The following EFHB variants were observed in gnomAD, a reference collection of about 807,000 sequenced individuals.
The protein encoded by EFHB is EF-hand domain-containing family member B.
In EFHB, 91 loss-of-function variants were observed where a neutral mutation model predicts 87.2. The ratio of observed to expected loss-of-function variants is 1.04; its 90% CI spans 0.88 to 1.24. The LOEUF (loss-of-function observed/expected upper bound fraction) is 1.24, where lower values mean the gene tolerates loss of function less well. EFHB is among the 50% of genes most tolerant of loss of function. The pLI, the probability that EFHB is intolerant of heterozygous loss-of-function variation, is 0.00. For synonymous variants in EFHB, 325 were observed against 333.6 expected, an observed-to-expected ratio of 0.97 and a Z score of 0.28; for missense variants, 1,084 against 998.8, an observed-to-expected ratio of 1.09 and a Z score of -1.15.
At chr3:19,944,826 A>G (rs1462963285) in intron 1 of EFHB, among the ~76,000 whole-genome samples, 1 of 152,230 alleles carries the variant, frequency 6.6e-6, no homozygotes, top group Non-Finnish European at 1.5e-5. Flanking sequence ...AAGTTCACCA[A>G]TACTTTGGGG....
chr3:19,941,783 GGA>G (rs1419198553), intron 1 of EFHB, among the ~76,000 whole-genome samples: 1 of 151,734 alleles, frequency 6.6e-6, no homozygotes, highest in Non-Finnish European at 1.5e-5. Context: ...CTTGAACCCG[GGA>G]GGCAGAGGTT....
intron 1 of EFHB, among the ~76,000 whole-genome samples, chr3:19,944,832 T>TG (rs1167722826): frequency 6.6e-6 from 1 of 152,196 alleles, no homozygotes; most frequent in African/African-American, 2.4e-5. Context: ...ACCAATACTT[T>TG]GGGGGTCCCT....
chr3:19,888,568 G>T lies in EFHB; in HGVS notation c.1809C>A (p.Asp603Glu). ...ANLSLDDKLL[D>E]QLFDYCDVDN... ...CCACATCACAGTAGTCAAATAGCTG[G>T]TCCAGGAGCTTGTCATCTAAACTCA... Residue 603 changes from aspartate (D) to glutamate (E), a missense_variant, in exon 10 of 13, where the codon GAC becomes GAA. By Grantham distance (45) the Asp-to-Glu change is conservative. Coordinates refer to ENST00000295824, the MANE Select transcript of EFHB (RefSeq NM_144715.4). 1 of 1,601,282 alleles carries T rather than the reference G, an allele frequency of 6.2e-7. No individual in the cohort carries two copies. Among genetic ancestry groups the T allele is most frequent in the Admixed American group, 1.7e-5 (1 of 58,276 alleles).
chr3:19,893,331 T>C (rs76378791), intron 9 of EFHB, among the ~76,000 whole-genome samples: 3,146 of 152,264 alleles, frequency 0.021, 102 homozygotes, highest in African/African-American at 0.072. Context: ...AGAGATCTGT[T>C]TTATTCTCTT....
chr3:19,882,164 G>A lies in EFHB; in HGVS notation c.2328+386C>T, dbSNP rs371035542. Among the ~76,000 whole-genome samples, 42 of 152,144 alleles carry A rather than the reference G, an allele frequency of 2.8e-4. No individual in the cohort carries two copies. The East Asian group carries it at 8.1e-3, about 29-fold the overall frequency. On this transcript the variant is annotated intron_variant, in intron 12 of 12. Transcript: ENST00000295824. ...ATAATCTGAGACATATGATACCAGT[G>A]GACAAGAAGGGTAGCAAAGTGACCA...
intron 1 of EFHB, among the ~76,000 whole-genome samples, chr3:19,927,116 C>T (rs1695658864): frequency 6.6e-6 from 1 of 152,194 alleles, no homozygotes; most frequent in African/African-American, 2.4e-5. Context: ...CTTCCTTCTT[C>T]GTCTTTCTAT....
rs766737990 is a variant in EFHB at position 19,933,570 on chromosome 3, C to A, written c.449G>T (p.Gly150Val). 3.7e-6 allele frequency: 6 copies of A among 1,613,898 alleles called. No homozygotes were observed. The African/African-American group carries it at 5.3e-5, about 14-fold the overall frequency. ...CACTAATTCCTCTACCCCTTCAGGG[C>A]CACTAGCCAAAGGAGCTCTCCTGCT... ...AGSRRAPLAS[G>V]PEGVEELVGK... The change falls in exon 1 of 13, where the codon GGC (glycine) becomes GTC (valine). Residue 150 changes from glycine to valine, a missense_variant. Transcript: ENST00000295824.
At chr3:19,937,283 ATT>A (rs772950424), upstream of EFHB, among the ~76,000 whole-genome samples, 5 of 152,080 alleles carry the variant, frequency 3.3e-5, no homozygotes, top group Non-Finnish European at 7.4e-5. Context: ...AAGACATTGC[ATT>A]TTCCATTTGC....
intron 6 of EFHB, among the ~76,000 whole-genome samples, chr3:19,901,501 A>T (rs1392668809): frequency 6.6e-6 from 1 of 152,172 alleles, no homozygotes; most frequent in Non-Finnish European, 1.5e-5. Context: ...GAAGAGTGAC[A>T]CTCTGTGGAG....
At chr3:19,921,689 T>C (rs1695442423) in intron 1 of EFHB, among the ~76,000 whole-genome samples, 1 of 152,068 alleles carries the variant, frequency 6.6e-6, no homozygotes, top group African/African-American at 2.4e-5. Flanking sequence ...AGAAGAACTT[T>C]GTGTAAAAAA....
chr3:19,920,576 GA>G lies in EFHB; in HGVS notation c.790-10del, dbSNP rs762187146. 1.6e-5 allele frequency: 25 copies of G among 1,584,190 alleles called. No individual in the cohort carries two copies. The highest frequency in any genetic ancestry group is 9.3e-5 in the East Asian group (4 of 43,018). On this transcript the variant is annotated splice_polypyrimidine_tract_variant and intron_variant, in intron 1 of 12. Coordinates refer to ENST00000295824, the MANE Select transcript of EFHB (RefSeq NM_144715.4). ...GGAATAACTTTTCCTGCCTTTGGGG[GA>G]AAAAAATGGGTTGATCATTGCCAGG...
At chr3:19,890,724 G>A (rs1247288402) in intron 9 of EFHB, among the ~76,000 whole-genome samples, 1 of 152,128 alleles carries the variant, frequency 6.6e-6, no homozygotes, top group African/African-American at 2.4e-5. Context: ...GCCAATTAGA[G>A]CCTCTGGAAA....
chr3:19,940,944 A>G (rs1696143774), intron 1 of EFHB: 2 of 332,756 alleles, frequency 6.0e-6, no homozygotes, highest in Admixed American at 3.5e-5. Flanking sequence ...GCTTAATGAG[A>G]ACAGTCATGA....
At chr3:19,900,180 A>G (rs1249375642) in intron 6 of EFHB, among the ~76,000 whole-genome samples, 1 of 152,182 alleles carries the variant, frequency 6.6e-6, no homozygotes, top group African/African-American at 2.4e-5. Context: ...TTAGGAAGCT[A>G]AAGCTGGAGG....
intron 1 of EFHB, among the ~76,000 whole-genome samples, chr3:19,931,193 T>G (rs1382600429): frequency 1.3e-5 from 2 of 152,054 alleles, no homozygotes; most frequent in African/African-American, 4.8e-5. Flanking sequence ...AAAACCCTCC[T>G]GCCTCAGCCT....
upstream of EFHB, among the ~76,000 whole-genome samples, chr3:19,937,021 T>G (rs1477055054): frequency 6.8e-6 from 1 of 147,918 alleles, no homozygotes; most frequent in African/African-American, 2.5e-5. Flanking sequence ...ATACAAAAAT[T>G]AACTGGGCAT....
chr3:19,939,425 C>T (rs1005372148), intron 1 of EFHB, among the ~76,000 whole-genome samples: 3 of 131,632 alleles, frequency 2.3e-5, no homozygotes, highest in African/African-American at 8.7e-5. Flanking sequence ...CTCTGTCGCG[C>T]CCAGGCTGGA....
rs568926190 is a variant in EFHB at position 19,931,353 on chromosome 3, T to C, written c.789+1877A>G. Among the ~76,000 whole-genome samples the C allele has an allele frequency of 2.0e-5, 3 of 152,308 alleles. No homozygotes were observed. In the East Asian group the frequency reaches 5.8e-4, roughly 29 times the overall value. ...GCGAAGTGGGAGGAAGCAGAGGTTT[T>C]AGAATTGCCTGTGCTGGAAACTGGA... On this transcript the variant is annotated intron_variant, in intron 1 of 12. Coordinates refer to ENST00000295824, the MANE Select transcript of EFHB (RefSeq NM_144715.4).
At chr3:19,925,018 G>A (rs917066989) in intron 1 of EFHB, among the ~76,000 whole-genome samples, 1 of 151,980 alleles carries the variant, frequency 6.6e-6, no homozygotes, top group Non-Finnish European at 1.5e-5. Flanking sequence ...AGCCGAGGTG[G>A]GCGGATCACG....
Sources: gnomAD v4.1 joint callset for allele counts (sites outside exome capture counted in the v4.1 genomes callset) on GRCh38, gnomAD v4.1.1 for gene constraint, MANE v1.5 for transcripts, NCBI Gene and HGNC (gene_info 2026-07-23, HGNC 2026-07-21) for gene names.